The following WDPCP variants were observed in gnomAD, a reference collection of about 807,000 sequenced individuals.
WDPCP encodes WD repeat-containing and planar cell polarity effector protein fritz homolog.
WDPCP carries 71 observed loss-of-function variants against 93.1 expected under a neutral mutation model. The observed-to-expected ratio is 0.76, with a 90% CI of 0.63 to 0.93. The LOEUF (loss-of-function observed/expected upper bound fraction) is 0.93, where lower values mean the gene tolerates loss of function less well. WDPCP is among the 40% of genes least tolerant of loss of function. The pLI, the probability that WDPCP is intolerant of heterozygous loss-of-function variation, is 0.00. For synonymous variants in WDPCP, 315 were observed against 315.0 expected, an observed-to-expected ratio of 1.00 and a Z score of 0.00; for missense variants, 844 against 887.4, an observed-to-expected ratio of 0.95 and a Z score of 0.62.
At chr2:63,711,313 G>T (rs1669259754) in intron 2 of WDPCP, among the ~76,000 whole-genome samples, 1 of 152,126 alleles carries the variant, frequency 6.6e-6, no homozygotes, top group African/African-American at 2.4e-5. Context: ...TACCAGTAAA[G>T]TTTCACATAT....
At chr2:63,198,522 A>G (rs1050646201) in intron 14 of WDPCP, among the ~76,000 whole-genome samples, 8 of 152,124 alleles carry the variant, frequency 5.3e-5, no homozygotes, top group Non-Finnish European at 8.8e-5. Context: ...GTGTTGGAGG[A>G]AGAGCCTGGT....
chr2:63,630,636 A>G (rs917305510), intron 3 of WDPCP, among the ~76,000 whole-genome samples: 2 of 152,220 alleles, frequency 1.3e-5, no homozygotes, highest in Non-Finnish European at 2.9e-5. Context: ...GCAAAAACTG[A>G]TAGGATTAAT....
At chr2:63,829,099 G>T (rs774367761), upstream of WDPCP, among the ~76,000 whole-genome samples, 1 of 152,016 alleles carries the variant, frequency 6.6e-6, no homozygotes, top group Non-Finnish European at 1.5e-5. Context: ...ACATAAAAAT[G>T]CAGCCAAACA....
intron 2 of WDPCP, among the ~76,000 whole-genome samples, chr2:63,490,364 A>G (rs1700807606): frequency 6.6e-6 from 1 of 152,182 alleles, no homozygotes; most frequent in African/African-American, 2.4e-5. Context: ...ATAAAGCATC[A>G]GGCTACAACT....
chr2:63,694,914 CT>C (rs1484838060), intron 2 of WDPCP, among the ~76,000 whole-genome samples: 1 of 152,098 alleles, frequency 6.6e-6, no homozygotes, highest in Non-Finnish European at 1.5e-5. Context: ...CAACTTCTGT[CT>C]GGTCAAAGTT....
At position 63,176,186 on chromosome 2, in the gene WDPCP, C is replaced by T. The variant is rs112461414; in HGVS notation, c.1916-1354G>A. On this transcript the variant is annotated intron_variant, in intron 14 of 17. Coordinates refer to ENST00000272321, the MANE Select transcript of WDPCP (RefSeq NM_015910.7). ...TTCTCTAATAAGTGATACTGAGCATCTTTTTATATGCTTGTTGGTCATTTG... is the reference window on the plus strand; with the variant it reads ...TTCTCTAATAAGTGATACTGAGCATTTTTTTATATGCTTGTTGGTCATTTG... 1.1e-4 allele frequency among the ~76,000 whole-genome samples: 16 copies of T among 152,246 alleles called. 1 individual carries two copies. The highest frequency in any genetic ancestry group is 3.9e-4 in the African/African-American group (16 of 41,554).
intron 1 of WDPCP, among the ~76,000 whole-genome samples, chr2:63,569,773 T>C (rs1234117044): frequency 6.6e-6 from 1 of 152,210 alleles, no homozygotes; most frequent in Non-Finnish European, 1.5e-5. Flanking sequence ...ACATGAAATT[T>C]GCTGTATCCT....
intron 13 of WDPCP, among the ~76,000 whole-genome samples, chr2:63,298,812 G>A (rs1383653666): frequency 6.6e-6 from 1 of 152,174 alleles, no homozygotes; most frequent in Non-Finnish European, 1.5e-5. Context: ...AGTATTGTGT[G>A]GAAAGGGCCT....
At chr2:63,840,818 G>C in the WDPCP span, 2 of 152,718 alleles carry the variant, frequency 1.3e-5, no homozygotes, top group African/African-American at 2.4e-5. Context: ...GTATCCCCGC[G>C]TACTGCTCAG....
At position 63,436,093 on chromosome 2, in the gene WDPCP, T is replaced by C. The variant is rs560120864; in HGVS notation, c.633+1328A>G. On this transcript the variant is annotated intron_variant, in intron 8 of 17. Transcript: ENST00000272321. Reference sequence around the variant, plus strand: ...GAAACTACTCATCCAGAATTTTATATATACTTACTTTAAATGGTTTGAGTT... The same window carrying C: ...GAAACTACTCATCCAGAATTTTATACATACTTACTTTAAATGGTTTGAGTT... 1.2e-4 allele frequency among the ~76,000 whole-genome samples: 19 copies of C among 152,228 alleles called. No individual in the cohort carries two copies. In the South Asian group the frequency reaches 1.7e-3, roughly 13 times the overall value.
chr2:63,408,783 G>A (rs537232668), intron 9 of WDPCP, among the ~76,000 whole-genome samples: 4 of 151,942 alleles, frequency 2.6e-5, no homozygotes, highest in Admixed American at 6.6e-5. Context: ...GGCTCTCCCC[G>A]ACTTCCCTGA....
intron 6 of WDPCP, among the ~76,000 whole-genome samples, chr2:63,480,561 G>C (rs1700209883): frequency 6.6e-6 from 1 of 152,252 alleles, no homozygotes; most frequent in Non-Finnish European, 1.5e-5. Context: ...GAACAGAATA[G>C]AGAACCCAGA....
At chr2:63,641,090 CT>C (rs113031884) in intron 3 of WDPCP, among the ~76,000 whole-genome samples, 6 of 152,248 alleles carry the variant, frequency 3.9e-5, no homozygotes, top group African/African-American at 1.4e-4. Context: ...CTGTGCCTGC[CT>C]TTTTTCACTT....
At chr2:63,188,346 A>C (rs527993599) in intron 14 of WDPCP, among the ~76,000 whole-genome samples, 1 of 152,074 alleles carries the variant, frequency 6.6e-6, no homozygotes, top group East Asian at 1.9e-4. Flanking sequence ...GGTTCTGTTA[A>C]TTTATCTTCA....
chr2:63,658,148 A>G (rs115853592), intron 2 of WDPCP, among the ~76,000 whole-genome samples: 2,707 of 152,248 alleles, frequency 0.018, 66 homozygotes, highest in African/African-American at 0.059. Flanking sequence ...CCATTGCCGT[A>G]ATCTTGCTTC....
chr2:63,136,079 A>T (rs999433162), intron 17 of WDPCP, among the ~76,000 whole-genome samples: 4 of 152,170 alleles, frequency 2.6e-5, no homozygotes, highest in African/African-American at 9.7e-5. Flanking sequence ...AACAGGCAGT[A>T]ATGTATTCTA....
chr2:63,194,313 A>G (rs891147917), intron 14 of WDPCP, among the ~76,000 whole-genome samples: 1 of 147,342 alleles, frequency 6.8e-6, no homozygotes, highest in African/African-American at 2.5e-5. Flanking sequence ...AGAAAGAAAG[A>G]AAAAAAAATA....
At chr2:63,722,562 G>T (rs866920582) in intron 2 of WDPCP, among the ~76,000 whole-genome samples, 1 of 143,030 alleles carries the variant, frequency 7.0e-6, no homozygotes, top group African/African-American at 2.6e-5. Flanking sequence ...GGGAGGTGGG[G>T]GGGGGTCAGC....
At chr2:63,550,600 T>C (rs763383737) in intron 1 of WDPCP, among the ~76,000 whole-genome samples, 6 of 146,932 alleles carry the variant, frequency 4.1e-5, no homozygotes, top group Non-Finnish European at 9.2e-5. Flanking sequence ...TAGGTCCTCT[T>C]CTATCTGCTA....
Sources: allele counts gnomAD v4.1 joint callset (sites outside exome capture counted in the v4.1 genomes callset), GRCh38; gene constraint gnomAD v4.1.1; transcripts MANE v1.5; gene names NCBI Gene and HGNC (gene_info 2026-07-23, HGNC 2026-07-21).